Variants in SPTB observed in about 807,000 individuals in gnomAD.
SPTB encodes the protein spectrin beta, erythrocytic, also known as spectrin beta chain, erythrocytic.
SPTB carries 45 observed loss-of-function variants against 256.2 expected under a neutral mutation model. The ratio of observed to expected loss-of-function variants is 0.18; its 90% CI spans 0.14 to 0.23. The LOEUF is 0.23. Ranked by LOEUF, SPTB falls within the 10% of genes least tolerant of loss-of-function variation. SPTB has a pLI of 1.00. For missense variants in SPTB, 2,715 were observed against 3,040.4 expected (o/e 0.89, Z 2.52); for synonymous variants, 1,231 against 1,243.1 (o/e 0.99, Z 0.21).
At chr14:64,803,121 C>T (rs910171490) in intron 4 of SPTB, among the ~76,000 whole-genome samples, 4 of 152,158 alleles carry the variant, frequency 2.6e-5, no homozygotes, top group African/African-American at 7.2e-5. Flanking sequence ...TTTCTGTCCC[C>T]AAACCAGCAG....
At chr14:64,872,548 C>A (rs1882591508) in intron 1 of SPTB, among the ~76,000 whole-genome samples, 2 of 152,344 alleles carry the variant, frequency 1.3e-5, no homozygotes, top group South Asian at 2.1e-4. Context: ...ACCATCAAGA[C>A]CCGCTTTTCT....
At chr14:64,878,509 G>T (rs1162698361) in intron 1 of SPTB, among the ~76,000 whole-genome samples, 2 of 152,202 alleles carry the variant, frequency 1.3e-5, no homozygotes, top group Admixed American at 6.5e-5. Flanking sequence ...TGGGGGAAGG[G>T]GTGGGCGAAG....
At chr14:64,794,698 ATGT>A in intron 12 of SPTB, 81 bp from the exon 13 acceptor site, 1 of 1,569,734 alleles carries the variant, frequency 6.4e-7, no homozygotes, top group Non-Finnish European at 8.7e-7. Flanking sequence ...TGCAAAGGGC[ATGT>A]CTCTAGTAAT....
At chr14:64,805,122 C>T in intron 2 of SPTB, 32 bp from the exon 3 acceptor site, 1 of 1,613,986 alleles carries the variant, frequency 6.2e-7, no homozygotes, top group Non-Finnish European at 8.5e-7. Context: ...GGTGAGGTGC[C>T]TGAGGTTGGC....
rs1205237356 is a variant in SPTB, at chr14:64,805,106, A to C, written c.149-16T>G. ...TCCCGCTCATCTAGGTGGAGAGAAG[A>C]ACCTTGGTGAGGTGCCTGAGGTTGG... is the stretch of plus-strand genomic sequence containing the variant. On this transcript the variant is annotated splice_polypyrimidine_tract_variant and intron_variant, in intron 2 of 35. Coordinates refer to ENST00000644917, the MANE Select transcript of SPTB (RefSeq NM_001355436.2). 6.2e-7 allele frequency: 1 copy of C among 1,614,012 alleles called. No individual in the cohort carries two copies. Among genetic ancestry groups the C allele is most frequent in the Non-Finnish European group, 8.5e-7 (1 of 1,180,022 alleles).
At position 64,746,381 on chromosome 14, in the gene SPTB, A is replaced by C. The variant is rs935010299; in HGVS notation, c.*2925T>G. 1.3e-5 allele frequency: 2 copies of C among 152,608 alleles called. No homozygotes were observed. Among genetic ancestry groups the C allele is most frequent in the East Asian group, 3.8e-4 (2 of 5,200 alleles). 9.5% of individuals were successfully genotyped at this position (152,608 alleles called of 1,614,324 possible). On this transcript the variant is annotated 3_prime_UTR_variant, in exon 36 of 36. Coordinates refer to ENST00000644917, the MANE Select transcript of SPTB (RefSeq NM_001355436.2). This position sits in a 1 kb window ranked among gnomAD's most constrained non-coding sequence, Gnocchi z 4.9. ...TGGAGGACAGGACCCAGCTGGCCCC[A>C]GGGCCAGCCCCAGATTGCATGGTCT...
chr14:64,762,443 C>T (rs1272969327), intron 32 of SPTB, among the ~76,000 whole-genome samples: 2 of 152,214 alleles, frequency 1.3e-5, no homozygotes, highest in African/African-American at 2.4e-5. Flanking sequence ...GGGAGGTGCT[C>T]AGGTTGCCAA....
intron 1 of SPTB, among the ~76,000 whole-genome samples, chr14:64,835,273 G>A (rs770615011): frequency 2.5e-4 from 38 of 152,106 alleles, no homozygotes; most frequent in Non-Finnish European, 5.9e-5. Flanking sequence ...TTTTGAGACA[G>A]AGTCTTGCCC....
At chr14:64,835,754 T>C (rs2083514403) in intron 1 of SPTB, among the ~76,000 whole-genome samples, 1 of 152,188 alleles carries the variant, frequency 6.6e-6, no homozygotes, top group African/African-American at 2.4e-5. Context: ...ATCTGGAACA[T>C]ACTAAGGCCT....
At chr14:64,754,324 C>T (rs956734534) in intron 32 of SPTB, 1 of 200,668 alleles carries the variant, frequency 5.0e-6, no homozygotes, top group Non-Finnish European at 1.0e-5. Context: ...CTAAGTCTGC[C>T]CGCCCCTGCC....
At chr14:64,868,252 AAAAG>A (rs1452100114) in intron 1 of SPTB, among the ~76,000 whole-genome samples, 1 of 152,362 alleles carries the variant, frequency 6.6e-6, no homozygotes, top group South Asian at 2.1e-4. Context: ...AGTGGAAATT[AAAAG>A]AAAGAAACTA....
intron 2 of SPTB, among the ~76,000 whole-genome samples, chr14:64,809,470 C>G (rs60085129): frequency 1.3e-5 from 2 of 151,746 alleles, no homozygotes; most frequent in African/African-American, 4.8e-5. Flanking sequence ...CTCAGCCTCC[C>G]AAGTAGCTGG....
At chr14:64,822,665 G>T (rs78283197) in intron 2 of SPTB, among the ~76,000 whole-genome samples, 1 of 152,092 alleles carries the variant, frequency 6.6e-6, no homozygotes, top group African/African-American at 2.4e-5. Context: ...CCAGACTCTC[G>T]TACTTCTCAC....
intron 2 of SPTB, among the ~76,000 whole-genome samples, chr14:64,808,226 A>T (rs1404755973): frequency 6.6e-6 from 1 of 152,008 alleles, no homozygotes; most frequent in African/African-American, 2.4e-5. Context: ...GTTGGTCAGG[A>T]TGGTCTTGAT....
intron 1 of SPTB, among the ~76,000 whole-genome samples, chr14:64,854,713 A>G (rs1266798448): frequency 6.6e-6 from 1 of 151,604 alleles, no homozygotes; most frequent in Non-Finnish European, 1.5e-5. Flanking sequence ...AGAAAACCAC[A>G]TGGGTGAGGG....
Position 64,799,903 on chromosome 14 carries a change from A to G in SPTB, c.908T>C (p.Met303Thr), listed in dbSNP as rs1022539299. The G allele has an allele frequency of 6.2e-7, 1 of 1,614,098 alleles. No homozygotes were observed. Among genetic ancestry groups the G allele is most frequent in the Non-Finnish European group, 8.5e-7 (1 of 1,180,056 alleles). The part of the protein sequence containing the change: ...VIDHAIETEK[M>T]IEKYSGLASD... The stretch of plus-strand genomic sequence containing the variant: ...GGCTAGCCCGCTGTACTTTTCAATC[A>G]TCTTCTCAGTCTCAATGGCATGGTC... Residue 303 changes from methionine to threonine, a missense_variant, in exon 9 of 36, where the codon ATG becomes ACG. By Grantham distance (81) the Met-to-Thr change is moderately conservative (BLOSUM62 -1). Around this residue, in one of 4 missense-constraint regions of SPTB, gnomAD observed 416 missense variants for 571.1 expected, o/e 0.73. Coordinates refer to ENST00000644917, the MANE Select transcript of SPTB (RefSeq NM_001355436.2).
At chr14:64,805,912 C>A (rs138835713) in intron 2 of SPTB, among the ~76,000 whole-genome samples, 3 of 152,248 alleles carry the variant, frequency 2.0e-5, no homozygotes, top group South Asian at 2.1e-4. Context: ...TGCGGCTTTA[C>A]GCTATCTTTC....
Position 64,768,540 on chromosome 14 carries a change from C to CT in SPTB, c.6022+493dup, listed in dbSNP as rs2082226643. 2.0e-5 allele frequency among the ~76,000 whole-genome samples: 3 copies of CT among 152,214 alleles called. No homozygotes were observed. The East Asian group carries it at 5.8e-4, about 30-fold the overall frequency. Reference sequence around the variant, plus strand: ...CTCACAGCTCCTCCCTGAATGGTGGCTTTTCCCCACCTCTCATCAGCACCC... The same window carrying CT: ...CTCACAGCTCCTCCCTGAATGGTGGCTTTTTCCCCACCTCTCATCAGCACCC... On this transcript the variant is annotated intron_variant, in intron 29 of 35. Transcript: ENST00000644917.
chr14:64,752,258 CTCCTCCTCTTCA>C (rs755471112), intron 33 of SPTB: 11 of 1,346,160 alleles, frequency 8.2e-6, no homozygotes, highest in African/African-American at 1.5e-5. Context: ...ACTCTGTTTC[CTCCTCCTCTTCA>C]TCCTCCTCTT....
Sources: allele counts gnomAD v4.1 joint callset (sites outside exome capture counted in the v4.1 genomes callset), GRCh38; gene constraint gnomAD v4.1.1; regional missense constraint gnomAD v4.1.1; non-coding constraint Gnocchi (gnomAD v3.1); transcripts MANE v1.5; gene names NCBI Gene and HGNC (gene_info 2026-07-23, HGNC 2026-07-21).